Variants in ENPP2 observed in about 807,000 individuals in gnomAD.
The protein encoded by ENPP2 is ectonucleotide pyrophosphatase/phosphodiesterase 2, also known as autotaxin.
A neutral mutation model predicts 120.2 loss-of-function variants in ENPP2; 51 were observed. The ratio of observed to expected loss-of-function variants is 0.42; its 90% CI spans 0.34 to 0.54. ENPP2 has a LOEUF of 0.54. ENPP2 is among the 20% of genes least tolerant of loss of function. ENPP2 has a pLI of 0.04. For synonymous variants in ENPP2, 365 were observed against 366.4 expected (o/e 1.00, Z 0.04); for missense variants, 920 against 1,066.5 (o/e 0.86, Z 1.91).
intron 23 of ENPP2, 105 bp downstream of exon 23, chr8:119,564,718 C>A: frequency 2.6e-6 from 2 of 760,020 alleles, no homozygotes; most frequent in South Asian, 7.0e-5. Context: ...ATTCAAAAAA[C>A]TTAAGGGGTG....
At chr8:119,630,212 G>A (rs1303873249) in intron 2 of ENPP2, among the ~76,000 whole-genome samples, 1 of 151,796 alleles carries the variant, frequency 6.6e-6, no homozygotes, top group African/African-American at 2.4e-5. Context: ...GGGTTCAAAG[G>A]GTTCTCCTGC....
At chr8:119,594,116 T>C (rs1813726618) in intron 11 of ENPP2, among the ~76,000 whole-genome samples, 1 of 152,252 alleles carries the variant, frequency 6.6e-6, no homozygotes, top group South Asian at 2.1e-4. Context: ...GTCAAAAATA[T>C]TGTTAATGAA....
rs563380589 is a variant in ENPP2, at chr8:119,670,428, T to G, written c.21+2824A>C. 5.9e-5 allele frequency among the ~76,000 whole-genome samples: 9 copies of G among 152,356 alleles called. No individual in the cohort carries two copies. In the South Asian group the frequency reaches 1.9e-3, roughly 32 times the overall value. Reference sequence around the variant, plus strand: ...TAATTCAATGCTTAAACATAAATGGTCATTCACAAAAATTGCACAAAAATT... The same window carrying G: ...TAATTCAATGCTTAAACATAAATGGGCATTCACAAAAATTGCACAAAAATT... On this transcript the variant is annotated intron_variant, in intron 1 of 25. Transcript: ENST00000427067.
intron 19 of ENPP2, among the ~76,000 whole-genome samples, chr8:119,574,801 T>C (rs910261076): frequency 6.6e-6 from 1 of 152,194 alleles, no homozygotes; most frequent in Non-Finnish European, 1.5e-5. Context: ...GATCTTTCCT[T>C]TTCTTGCATA....
chr8:119,586,965 G>C (rs913987734), intron 14 of ENPP2, 79 bp downstream of exon 14: 7 of 1,212,650 alleles, frequency 5.8e-6, no homozygotes, highest in African/African-American at 1.5e-5. Context: ...CCCCGCCGGG[G>C]GAGGCACACA....
chr8:119,659,253 G>C lies in ENPP2; in HGVS notation c.21+13999C>G, dbSNP rs183817624. Among the ~76,000 whole-genome samples the C allele has an allele frequency of 7.1e-4, 107 of 149,880 alleles. 3 individuals carry two copies. In the South Asian group the frequency reaches 0.015, roughly 21 times the overall value. ...AATTGCTTGTACCTAGGAGAGGGAG[G>C]TTGCAGTGAACCGAGGTGGTGCCAC... On this transcript the variant is annotated intron_variant, in intron 1 of 25. Transcript: ENST00000427067.
intron 23 of ENPP2, 72 bp downstream of exon 23, chr8:119,564,751 A>C: frequency 7.2e-7 from 1 of 1,391,764 alleles, no homozygotes; most frequent in East Asian, 2.3e-5. Flanking sequence ...TAGTATATGA[A>C]TATTTGAAAA....
intron 11 of ENPP2, among the ~76,000 whole-genome samples, chr8:119,596,750 G>A (rs1012431962): frequency 6.6e-6 from 1 of 151,994 alleles, no homozygotes; most frequent in African/African-American, 2.4e-5. Flanking sequence ...TTTTGTCTTG[G>A]TATATACAGA....
At chr8:119,601,510 A>G in intron 9 of ENPP2, 48 bp from the exon 10 acceptor site, 1 of 1,444,396 alleles carries the variant, frequency 6.9e-7, no homozygotes. Context: ...TCATTTCCGC[A>G]AACTCAAGCC....
intron 11 of ENPP2, among the ~76,000 whole-genome samples, chr8:119,598,454 C>T (rs1435195109): frequency 6.6e-6 from 1 of 152,028 alleles, no homozygotes; most frequent in Non-Finnish European, 1.5e-5. Context: ...TGTGAGCAAC[C>T]CTGGGCATAG....
At chr8:119,575,321 G>A (rs536478382) in intron 19 of ENPP2, among the ~76,000 whole-genome samples, 1 of 152,008 alleles carries the variant, frequency 6.6e-6, no homozygotes, top group Non-Finnish European at 1.5e-5. Context: ...GTTATTTCAT[G>A]GAGAGTGTAT....
intron 16 of ENPP2, 73 bp from the exon 17 acceptor site, chr8:119,583,877 T>G (rs1437949396): frequency 1.5e-6 from 2 of 1,361,388 alleles, no homozygotes; most frequent in African/African-American, 1.4e-5. Flanking sequence ...TTATGAATAC[T>G]GTACAACTTC....
chr8:119,586,371 A>C, intron 14 of ENPP2, 58 bp from the exon 15 acceptor site: 1 of 1,544,378 alleles, frequency 6.5e-7, no homozygotes, highest in Non-Finnish European at 8.9e-7. Flanking sequence ...AAATTCTTAC[A>C]AATTCTCTCT....
At chr8:119,612,993 A>T (rs1465299690) in intron 8 of ENPP2, among the ~76,000 whole-genome samples, 1 of 152,222 alleles carries the variant, frequency 6.6e-6, no homozygotes, top group Non-Finnish European at 1.5e-5. Flanking sequence ...ATGATGGGGT[A>T]TTAAACTTGT....
intron 19 of ENPP2, among the ~76,000 whole-genome samples, chr8:119,574,040 C>T (rs1812162678): frequency 6.6e-6 from 1 of 152,126 alleles, no homozygotes; most frequent in South Asian, 2.1e-4. Context: ...CTTGGGTCTT[C>T]CTGGAGCTTA....
chr8:119,641,143 A>G (rs116703003), upstream of ENPP2, among the ~76,000 whole-genome samples: 463 of 152,328 alleles, frequency 3.0e-3, 4 homozygotes, highest in African/African-American at 0.011. Context: ...ACATACACGC[A>G]CACACACAAG....
At chr8:119,563,043 G>A in intron 23 of ENPP2, 30 bp from the exon 24 acceptor site, 1 of 1,594,932 alleles carries the variant, frequency 6.3e-7, no homozygotes, top group East Asian at 2.3e-5. Flanking sequence ...CGAAGTCACA[G>A]TTGATGAGTT....
chr8:119,617,603 C>A (rs1306003937), intron 5 of ENPP2, 40 bp from the exon 6 acceptor site: 2 of 1,380,000 alleles, frequency 1.4e-6, no homozygotes, highest in South Asian at 1.2e-5. Context: ...AACATTATTA[C>A]CAGAGTTGCC....
upstream of ENPP2, among the ~76,000 whole-genome samples, chr8:119,639,939 T>C (rs919473887): frequency 1.3e-5 from 2 of 152,200 alleles, no homozygotes; most frequent in Admixed American, 6.5e-5. Context: ...TTTGGCCTCT[T>C]CCTCAGCAGG....
Sources: allele counts gnomAD v4.1 joint callset (sites outside exome capture counted in the v4.1 genomes callset), GRCh38; gene constraint gnomAD v4.1.1; transcripts MANE v1.5; gene names NCBI Gene and HGNC (gene_info 2026-07-23, HGNC 2026-07-21).